The following ACOT4 variants were observed in gnomAD, a reference collection of about 807,000 sequenced individuals.
The protein encoded by ACOT4 is acyl-CoA thioesterase 4.
A neutral mutation model predicts 17.1 loss-of-function variants in ACOT4; 18 were observed. The ratio of observed to expected loss-of-function variants is 1.05; its 90% CI spans 0.73 to 1.56. The LOEUF (loss-of-function observed/expected upper bound fraction) is 1.56. Among genes scored for constraint, ACOT4 ranks in the 40% most tolerant of loss-of-function variants. The pLI, the probability that ACOT4 is intolerant of heterozygous loss-of-function variation, is 0.00. For synonymous variants in ACOT4, 234 were observed against 236.6 expected, an observed-to-expected ratio of 0.99 and a Z score of 0.10; for missense variants, 574 against 557.2, an observed-to-expected ratio of 1.03 and a Z score of -0.30.
At chr14:73,594,845 C>T (rs1018981950) in intron 2 of ACOT4, among the ~76,000 whole-genome samples, 2 of 152,142 alleles carry the variant, frequency 1.3e-5, no homozygotes, top group Admixed American at 6.5e-5. Flanking sequence ...GGATTAGAGG[C>T]GTGCGCCACC....
In ACOT4 at chr14:73,591,930, G is replaced by T; in HGVS notation, c.-30G>T. ...CGATCTTGGACGGGTCTCGGGCCTC[G>T]ACCTTTGAATTCCCCGCTCCGGCTC... On this transcript the variant is annotated 5_prime_UTR_variant, in exon 1 of 3. Coordinates refer to ENST00000326303, the MANE Select transcript of ACOT4 (RefSeq NM_152331.4). 7.4e-7 allele frequency: 1 copy of T among 1,357,490 alleles called. No homozygotes were observed. Among genetic ancestry groups the T allele is most frequent in the South Asian group, 1.9e-5 (1 of 52,014 alleles). 84.1% of individuals were successfully genotyped at this position (1,357,490 alleles called of 1,614,324 possible).
At position 73,595,359 on chromosome 14, in the gene ACOT4, A is replaced by C. The variant is rs767794876; in HGVS notation, c.971A>C (p.Gln324Pro). 35 of 1,614,268 alleles carry C rather than the reference A, an allele frequency of 2.2e-5. No individual in the cohort carries two copies. The highest frequency in any genetic ancestry group is 2.9e-5 in the Non-Finnish European group (34 of 1,180,046). Residue 324 changes from glutamine to proline, a missense_variant, in exon 3 of 3, where the codon CAG (glutamine) becomes CCG (proline). Physicochemically the swap from Gln to Pro is moderately conservative, Grantham distance 76. Coordinates refer to ENST00000326303, the MANE Select transcript of ACOT4 (RefSeq NM_152331.4). ...AQGPILLIVG[Q>P]DDHNWRSELY... ...GGGCCCATCCTGCTCATTGTTGGTC[A>C]GGATGACCATAACTGGAGAAGTGAG...
In ACOT4 at chr14:73,592,099, G is replaced by A; in HGVS notation, c.140G>A (p.Arg47Gln). 3 of 1,500,954 alleles carry A rather than the reference G, an allele frequency of 2.0e-6. No individual in the cohort carries two copies. Among genetic ancestry groups the A allele is most frequent in the South Asian group, 1.3e-5 (1 of 77,604 alleles). The allele number at this position is 1,500,954 out of a possible 1,614,324, so 93.0% of individuals were successfully genotyped here. The part of the protein sequence containing the change: ...SLRDEKGALF[R>Q]AHARYCADAR... The stretch of plus-strand genomic sequence containing the variant: ...CGCGACGAGAAGGGCGCGCTCTTCC[G>A]GGCCCACGCGCGCTACTGCGCCGAC... Residue 47 changes from arginine (R) to glutamine (Q), a missense_variant, in exon 1 of 3, where the codon CGG becomes CAG. By Grantham distance (43) the Arg-to-Gln change is conservative. Coordinates refer to ENST00000326303, the MANE Select transcript of ACOT4 (RefSeq NM_152331.4).
In ACOT4 at chr14:73,595,281, C is replaced by T. The variant is rs1566866291; in HGVS notation, c.893C>T (p.Ala298Val). The T allele has an allele frequency of 1.2e-6, 2 of 1,614,212 alleles. No individual in the cohort carries two copies. Among genetic ancestry groups the T allele is most frequent in the Non-Finnish European group, 1.7e-6 (2 of 1,180,046 alleles). The change falls in exon 3 of 3, where the codon GCT (alanine) becomes GTT (valine). Residue 298 changes from alanine (A) to valine (V), a missense_variant. Coordinates refer to ENST00000326303, the MANE Select transcript of ACOT4 (RefSeq NM_152331.4). ...GLVDIVDIRN[A>V]LVGGYKNPSM... is the part of the protein sequence containing the mutation. The stretch of plus-strand genomic sequence containing the variant: ...GTGGACATTGTGGATATAAGGAATG[C>T]TCTCGTAGGAGGGTACAAGAACCCC...
At position 73,595,167 on chromosome 14, in the gene ACOT4, G is replaced by T. The variant is rs1890225373; in HGVS notation, c.779G>T (p.Ser260Ile). 6.2e-7 allele frequency: 1 copy of T among 1,614,114 alleles called. No individual in the cohort carries two copies. Among genetic ancestry groups the T allele is most frequent in the African/African-American group, 1.3e-5 (1 of 74,930 alleles). ...GTTTCCATCAATGGATCTGGGATCA[G>T]TGGGAACACAGCCATCAACTATAAG... ...ATVSINGSGI[S>I]GNTAINYKHS... is the part of the protein sequence containing the mutation. Residue 260 changes from serine (S) to isoleucine (I), a missense_variant, in exon 3 of 3, where the codon AGT becomes ATT. Physicochemically the swap from Ser to Ile is moderately radical, Grantham distance 142. Coordinates refer to ENST00000326303, the MANE Select transcript of ACOT4 (RefSeq NM_152331.4).
At chr14:73,594,913 C>T (rs1243127263) in intron 2 of ACOT4, 136 bp from the exon 3 acceptor site, 48 of 1,005,772 alleles carry the variant, frequency 4.8e-5, no homozygotes, top group Non-Finnish European at 6.2e-5. Context: ...CCATGTTGGC[C>T]AGGCTGGTCT....
At chr14:73,594,068 A>G (rs1348787766) in intron 2 of ACOT4, among the ~76,000 whole-genome samples, 164 bp downstream of exon 2, 1 of 152,168 alleles carries the variant, frequency 6.6e-6, no homozygotes, top group African/African-American at 2.4e-5. Flanking sequence ...TGTCAGATGA[A>G]TTTGTGATAT....
chr14:73,592,359 G>T lies in ACOT4; in HGVS notation c.400G>T (p.Val134Leu), dbSNP rs1177372652. ...QHERHFLPPG[V>L]RRQSVRAGRV... is the part of the protein sequence containing the mutation. ...CGAGCGCCACTTCCTCCCGCCAGGG[G>T]TGCGGCGCCAGTCGGTGCGAGCGGG... Residue 134 changes from valine (V) to leucine (L), a missense_variant, in exon 1 of 3, where the codon GTG (valine) becomes TTG (leucine). Val to Leu is a conservative substitution (Grantham distance 32). Coordinates refer to ENST00000326303, the MANE Select transcript of ACOT4 (RefSeq NM_152331.4). The T allele has an allele frequency of 2.5e-6, 4 of 1,587,642 alleles. No homozygotes were observed. Among genetic ancestry groups the T allele is most frequent in the African/African-American group, 2.7e-5 (2 of 73,744 alleles).
At chr14:73,593,524 G>A (rs560094891) in intron 1 of ACOT4, among the ~76,000 whole-genome samples, 178 bp from the exon 2 acceptor site, 7 of 151,100 alleles carry the variant, frequency 4.6e-5, no homozygotes, top group Admixed American at 2.0e-4. Flanking sequence ...AAAAAAGATT[G>A]TAGAGATGGG....
At position 73,592,240 on chromosome 14, in the gene ACOT4, T is replaced by G. The variant is rs139903966; in HGVS notation, c.281T>G (p.Leu94Arg). Residue 94 changes from leucine to arginine, a missense_variant, in exon 1 of 3, where the codon CTG (leucine) becomes CGG (arginine). By Grantham distance (102) the Leu-to-Arg change is moderately radical. Coordinates refer to ENST00000326303, the MANE Select transcript of ACOT4 (RefSeq NM_152331.4). ...LEPEKPFWRF[L>R]KRDVQIPFVV... ...CCCGAGAAGCCTTTTTGGCGCTTCC[T>G]GAAGCGGGACGTACAGATTCCTTTT... 1.2e-6 allele frequency: 2 copies of G among 1,613,162 alleles called. No individual in the cohort carries two copies. Among genetic ancestry groups the G allele is most frequent in the South Asian group, 2.2e-5 (2 of 91,008 alleles).
chr14:73,595,023 A>T, intron 2 of ACOT4, 26 bp from the exon 3 acceptor site: 1 of 1,609,870 alleles, frequency 6.2e-7, no homozygotes, highest in Non-Finnish European at 8.5e-7. Context: ...TTATTGACTC[A>T]ACTCTCCTCT....
At position 73,592,289 on chromosome 14, in the gene ACOT4, C is replaced by T. The variant is rs762923698; in HGVS notation, c.330C>T (p.Asp110=). 5 of 1,611,510 alleles carry T rather than the reference C, an allele frequency of 3.1e-6. No homozygotes were observed. In the East Asian group the frequency reaches 1.1e-4, roughly 36 times the overall value. Residue 110 remains aspartate (D), a synonymous_variant, in exon 1 of 3, where the codon GAC becomes GAT. Transcript: ENST00000326303. ...IPFVVELEVL[D]GHDPEPGRLL... ...TTGTCGTGGAGTTGGAGGTGCTGGA[C>T]GGCCACGACCCCGAGCCTGGACGGC...
At position 73,592,094 on chromosome 14, in the gene ACOT4, C is replaced by T; in HGVS notation, c.135C>T (p.Leu45=). The change falls in exon 1 of 3, where the codon CTC becomes CTT. Residue 45 remains leucine, a synonymous_variant. Transcript: ENST00000326303. ...RASLRDEKGA[L]FRAHARYCAD... is the part of the protein sequence containing the mutation. ...CCCTGCGCGACGAGAAGGGCGCGCT[C>T]TTCCGGGCCCACGCGCGCTACTGCG... is the stretch of plus-strand genomic sequence containing the variant. The T allele has an allele frequency of 6.7e-7, 1 of 1,498,566 alleles. No homozygotes were observed. Among genetic ancestry groups the T allele is most frequent in the East Asian group, 2.7e-5 (1 of 36,690 alleles). 92.8% of individuals were successfully genotyped at this position (1,498,566 alleles called of 1,614,324 possible).
Position 73,592,042 on chromosome 14 carries a change from C to A in ACOT4, c.83C>A (p.Pro28Gln). 6.8e-7 allele frequency: 1 copy of A among 1,461,594 alleles called. No individual in the cohort carries two copies. The highest frequency in any genetic ancestry group is 2.8e-5 in the Admixed American group (1 of 35,228). 90.5% of individuals were successfully genotyped at this position (1,461,594 alleles called of 1,614,324 possible). ...CGCATTGCCGTGCGCGGCCTGGCCC[C>A]GGAGCAGCGGGTTACGCTGCGCGCG... Reference protein sequence around the residue: ...PVRIAVRGLAPEQRVTLRASL... With the variant: ...PVRIAVRGLAQEQRVTLRASL... The change falls in exon 1 of 3, where the codon CCG becomes CAG. Residue 28 changes from proline to glutamine, a missense_variant. Coordinates refer to ENST00000326303, the MANE Select transcript of ACOT4 (RefSeq NM_152331.4).
In ACOT4 at chr14:73,592,531, G is replaced by A. The variant is rs1385736687; in HGVS notation, c.457+115G>A. The A allele has an allele frequency of 6.4e-6, 8 of 1,259,344 alleles. No homozygotes were observed. The African/African-American group carries it at 1.1e-4, about 17-fold the overall frequency. 78.0% of individuals were successfully genotyped at this position (1,259,344 alleles called of 1,614,324 possible). ...GAGCAAGATCAGAGAAGCTAACATT[G>A]ACTATGTCAGTGGCCACTCTACCAA... On this transcript the variant is annotated intron_variant, in intron 1 of 2. Coordinates refer to ENST00000326303, the MANE Select transcript of ACOT4 (RefSeq NM_152331.4).
In ACOT4 at chr14:73,593,899, C is replaced by G. The variant is rs776366966; in HGVS notation, c.655C>G (p.Pro219Ala). 6.2e-7 allele frequency: 1 copy of G among 1,610,536 alleles called. No individual in the cohort carries two copies. The highest frequency in any genetic ancestry group is 8.5e-7 in the Non-Finnish European group (1 of 1,177,760). ...EEAVCYMLQH[P>A]QVKGPGIGLL... ...AGCCGTATGCTACATGCTTCAACAT[C>G]CCCAGGTTCTCCTCATGTCCTTTAT... The change falls in exon 2 of 3, where the codon CCC (proline) becomes GCC (alanine). Residue 219 changes from proline to alanine, a missense_variant. Physicochemically the swap from Pro to Ala is conservative, Grantham distance 27. Transcript: ENST00000326303.
intron 2 of ACOT4, among the ~76,000 whole-genome samples, chr14:73,594,208 G>A (rs1011420976): frequency 4.6e-5 from 7 of 152,134 alleles, no homozygotes; most frequent in African/African-American, 7.2e-5. Context: ...TGGTGTCAGA[G>A]TATGTTCTCA....
Position 73,592,257 on chromosome 14 carries a change from AT to A in ACOT4, c.300del (p.Pro101LeufsTer88), listed in dbSNP as rs773908827. The A allele has an allele frequency of 6.2e-7, 1 of 1,613,202 alleles. No homozygotes were observed. Among genetic ancestry groups the A allele is most frequent in the East Asian group, 2.2e-5 (1 of 44,832 alleles). On this transcript the variant is annotated frameshift_variant, in exon 1 of 3. Coordinates refer to ENST00000326303, the MANE Select transcript of ACOT4 (RefSeq NM_152331.4). LOFTEE classifies it high-confidence loss of function. ...GCGCTTCCTGAAGCGGGACGTACAG[AT>A]TCCTTTTGTCGTGGAGTTGGAGGTG... is the stretch of plus-strand genomic sequence containing the variant. ...FWRFLKRDVQ[I>X]PFVVELEVLD... is the part of the protein sequence containing the mutation.
intron 2 of ACOT4, 37 bp downstream of exon 2, chr14:73,593,941 G>A: frequency 1.3e-6 from 2 of 1,553,860 alleles, no homozygotes; most frequent in Non-Finnish European, 1.8e-6. Context: ...AGTCTCTCTA[G>A]AAATATTTCC....
Sources: allele counts gnomAD v4.1 joint callset (sites outside exome capture counted in the v4.1 genomes callset), GRCh38; gene constraint gnomAD v4.1.1; transcripts MANE v1.5; gene names NCBI Gene and HGNC (gene_info 2026-07-23, HGNC 2026-07-21).